STAMBPL1: variants seen among roughly 807,000 people sequenced by gnomAD.
The protein encoded by STAMBPL1 is AMSH-like protease.
In STAMBPL1, 44 loss-of-function variants were observed where a neutral mutation model predicts 52.9. That is an observed-to-expected ratio of 0.83 (90% confidence interval 0.65 to 1.07). STAMBPL1 has a LOEUF of 1.07. STAMBPL1 is among the 50% of genes least tolerant of loss of function. STAMBPL1 has a pLI of 0.00. For missense variants in STAMBPL1, 511 were observed against 520.8 expected (o/e 0.98, Z 0.18); for synonymous variants, 164 against 177.3 (o/e 0.92, Z 0.60).
At chr10:88,912,916 T>C in intron 5 of STAMBPL1, 185 bp from the exon 6 acceptor site, 1 of 627,386 alleles carries the variant, frequency 1.6e-6, no homozygotes, top group South Asian at 2.0e-5. Flanking sequence ...AACTGCTATG[T>C]TAATCAGATC....
intron 9 of STAMBPL1, 37 bp downstream of exon 9, chr10:88,921,432 T>G (rs1259280840): frequency 1.3e-6 from 2 of 1,552,806 alleles, no homozygotes; most frequent in South Asian, 2.2e-5. Flanking sequence ...AAAGAAGGCT[T>G]TGTCCAGGGC....
chr10:88,909,516 G>A (rs1460116351), intron 4 of STAMBPL1, among the ~76,000 whole-genome samples: 1 of 152,104 alleles, frequency 6.6e-6, no homozygotes, highest in Non-Finnish European at 1.5e-5. Context: ...ACCAAATAAT[G>A]AAATAAAGGC....
chr10:88,881,508 C>T (rs1487927566), intron 1 of STAMBPL1, among the ~76,000 whole-genome samples: 1 of 152,130 alleles, frequency 6.6e-6, no homozygotes, highest in Non-Finnish European at 1.5e-5. Context: ...GCTTTCCAAA[C>T]ATCTTGCTCA....
At chr10:88,890,265 G>A (rs543335819) in intron 1 of STAMBPL1, among the ~76,000 whole-genome samples, 8 of 152,220 alleles carry the variant, frequency 5.3e-5, no homozygotes, top group African/African-American at 1.4e-4. Flanking sequence ...GATATTAACA[G>A]CAATAGAACA....
rs1447058618 is a variant in STAMBPL1 at position 88,901,881 on chromosome 10, T to C, written c.30+143T>C. ...CATCCATCTGTGTGGTTGTCTTCTT[T>C]GAGGAAGTGACTAATAAAGCTATCT... On this transcript the variant is annotated intron_variant, in intron 2 of 10. Coordinates refer to ENST00000371926, the MANE Select transcript of STAMBPL1 (RefSeq NM_020799.4). 1.6e-5 allele frequency: 11 copies of C among 706,698 alleles called. No individual in the cohort carries two copies. In the East Asian group the frequency reaches 3.3e-4, roughly 21 times the overall value. 43.8% of individuals were successfully genotyped at this position (706,698 alleles called of 1,614,324 possible).
chr10:88,918,914 T>G (rs549111869), intron 8 of STAMBPL1, among the ~76,000 whole-genome samples: 1 of 152,302 alleles, frequency 6.6e-6, no homozygotes, highest in South Asian at 2.1e-4. Context: ...TTTAATAAGT[T>G]TAGCATAATT....
chr10:88,916,554 T>C lies in STAMBPL1; in HGVS notation c.904-126T>C, dbSNP rs1845374134. ...CAGGTACAGGGAGGGATGATGTAAG[T>C]GGTCCCTGTACCTGGACACACCCCC... On this transcript the variant is annotated intron_variant, in intron 7 of 10. Coordinates refer to ENST00000371926, the MANE Select transcript of STAMBPL1 (RefSeq NM_020799.4). 7 of 634,454 alleles carry C rather than the reference T, an allele frequency of 1.1e-5. No homozygotes were observed. In the East Asian group the frequency reaches 2.8e-4, roughly 25 times the overall value. 39.3% of individuals were successfully genotyped at this position (634,454 alleles called of 1,614,324 possible).
In STAMBPL1 at chr10:88,923,205, T is replaced by C; in HGVS notation, c.1292T>C (p.Ile431Thr). Residue 431 changes from isoleucine to threonine, a missense_variant, in exon 11 of 11, where the codon ATT becomes ACT. Physicochemically the swap from Ile to Thr is moderately conservative, Grantham distance 89 (BLOSUM62 -1). Coordinates refer to ENST00000371926, the MANE Select transcript of STAMBPL1 (RefSeq NM_020799.4). ...GTGTTGGTAAAAGACATAAAAATAA[T>C]TGTGTTGGATCTGAGGTGATATGTT... ...KHVLVKDIKIIVLDLR is the reference protein window; with the variant it reads ...KHVLVKDIKITVLDLR 1 of 1,606,456 alleles carries C rather than the reference T, an allele frequency of 6.2e-7. No individual in the cohort carries two copies. Among genetic ancestry groups the C allele is most frequent in the Non-Finnish European group, 8.5e-7 (1 of 1,178,306 alleles).
At chr10:88,911,089 T>G in intron 5 of STAMBPL1, 78 bp downstream of exon 5, 2 of 959,200 alleles carry the variant, frequency 2.1e-6, no homozygotes, top group South Asian at 1.9e-5. Flanking sequence ...ATGTGATGAG[T>G]TTTTCAAATG....
intron 1 of STAMBPL1, among the ~76,000 whole-genome samples, chr10:88,892,975 G>A (rs1844724813): frequency 6.6e-6 from 1 of 152,180 alleles, no homozygotes; most frequent in African/African-American, 2.4e-5. Context: ...ATTGAACTAA[G>A]TATCTTTTGG....
chr10:88,913,002 A>G (rs17114120), intron 5 of STAMBPL1, 99 bp from the exon 6 acceptor site: 27,286 of 1,009,918 alleles, frequency 0.027, 654 homozygotes, highest in African/African-American at 0.089. Flanking sequence ...CACAGTATCT[A>G]GCATTTTCTC....
chr10:88,890,531 AG>A (rs1480574363), intron 1 of STAMBPL1, among the ~76,000 whole-genome samples: 1 of 152,224 alleles, frequency 6.6e-6, no homozygotes, highest in East Asian at 1.9e-4. Context: ...CTGCACATGC[AG>A]GTGATAGATT....
chr10:88,909,383 T>C (rs1845158635), intron 4 of STAMBPL1, among the ~76,000 whole-genome samples: 1 of 152,202 alleles, frequency 6.6e-6, no homozygotes, highest in South Asian at 2.1e-4. Flanking sequence ...AAATAAACAT[T>C]TACAATGTTT....
intron 1 of STAMBPL1, among the ~76,000 whole-genome samples, chr10:88,883,770 A>G (rs1409301286): frequency 6.6e-6 from 1 of 152,230 alleles, no homozygotes; most frequent in African/African-American, 2.4e-5. Context: ...ACTTGTGTTT[A>G]TTAAAAGAAG....
At chr10:88,894,943 G>A (rs750872561) in intron 1 of STAMBPL1, among the ~76,000 whole-genome samples, 274 of 152,222 alleles carry the variant, frequency 1.8e-3, no homozygotes, top group Middle Eastern at 3.4e-3. Context: ...ATTTCCAGAG[G>A]AATCCTATGC....
In STAMBPL1 at chr10:88,916,741, A is replaced by G. The variant is rs1272644643; in HGVS notation, c.965A>G (p.Tyr322Cys). 4 of 1,610,402 alleles carry G rather than the reference A, an allele frequency of 2.5e-6. No homozygotes were observed. The South Asian group carries it at 3.3e-5, about 13-fold the overall frequency. The change falls in exon 8 of 11, where the codon TAT becomes TGT. Residue 322 changes from tyrosine (Y) to cysteine (C), a missense_variant. Around this residue, in one of 3 missense-constraint regions of STAMBPL1, gnomAD observed 137 missense variants for 139.9 expected, o/e 0.98. Transcript: ENST00000371926. ...CCAAAGCAGTCTGCGGGACCAGACT[A>G]TTGTGACATGGAGAATGTAGAGGAA... ...IVPKQSAGPD[Y>C]CDMENVEELF...
At chr10:88,909,553 G>C (rs1845163457) in intron 4 of STAMBPL1, among the ~76,000 whole-genome samples, 1 of 152,100 alleles carries the variant, frequency 6.6e-6, no homozygotes, top group South Asian at 2.1e-4. Context: ...TCAGACCTGA[G>C]GATGCATAAG....
In STAMBPL1 at chr10:88,905,594, T is replaced by G; in HGVS notation, c.182T>G (p.Met61Arg). ...YFRSGVEMERMASVYLEEGNL... is the reference protein window; with the variant it reads ...YFRSGVEMERRASVYLEEGNL... ...AGGTCTGGAGTAGAGATGGAGAGGA[T>G]GGCGTCTGTGTATTTGGAAGAAGGA... Residue 61 changes from methionine to arginine, a missense_variant, in exon 3 of 11, where the codon ATG becomes AGG. Physicochemically the swap from Met to Arg is moderately conservative, Grantham distance 91 (BLOSUM62 -1). This residue lies in a region of STAMBPL1 where 358 missense variants were observed against 343.5 expected (regional missense o/e 1.04). Transcript: ENST00000371926. The G allele has an allele frequency of 6.2e-7, 1 of 1,614,180 alleles. No homozygotes were observed. Among genetic ancestry groups the G allele is most frequent in the Non-Finnish European group, 8.5e-7 (1 of 1,180,016 alleles).
intron 2 of STAMBPL1, among the ~76,000 whole-genome samples, chr10:88,904,850 T>TA (rs996332329): frequency 2.1e-4 from 32 of 151,396 alleles, no homozygotes; most frequent in African/African-American, 6.5e-4. Context: ...CTTTTTATGT[T>TA]AAAAAAAATG....
Sources: gnomAD v4.1 joint callset for allele counts (sites outside exome capture counted in the v4.1 genomes callset) on GRCh38, gnomAD v4.1.1 for gene constraint, gnomAD v4.1.1 regional missense constraint, MANE v1.5 for transcripts, NCBI Gene and HGNC (gene_info 2026-07-23, HGNC 2026-07-21) for gene names.